The following ADGRB3 variants were observed in gnomAD, a reference collection of about 807,000 sequenced individuals.
ADGRB3 encodes the protein brain-specific angiogenesis inhibitor 3.
In ADGRB3, 37 loss-of-function variants were observed where a neutral mutation model predicts 193.4. The observed-to-expected ratio is 0.19, with a 90% CI of 0.15 to 0.25. The LOEUF is 0.25. ADGRB3 is among the 10% of genes least tolerant of loss of function. The pLI, the probability that ADGRB3 is intolerant of heterozygous loss-of-function variation, is 1.00. For synonymous variants in ADGRB3, 690 were observed against 644.2 expected (o/e 1.07, Z -1.08); for missense variants, 1,637 against 1,852.9 (o/e 0.88, Z 2.14).
intron 3 of ADGRB3, among the ~76,000 whole-genome samples, chr6:68,706,847 C>T (rs1408449987): frequency 2.0e-5 from 3 of 152,114 alleles, no homozygotes; most frequent in Non-Finnish European, 4.4e-5. Flanking sequence ...CGTGGTGGCT[C>T]ACGCCTATAA....
intron 17 of ADGRB3, among the ~76,000 whole-genome samples, chr6:69,187,007 C>T (rs188905902): frequency 2.7e-5 from 4 of 149,790 alleles, no homozygotes; most frequent in Admixed American, 2.0e-4. Context: ...TCAGCTATTA[C>T]ACAACAATAA....
chr6:69,281,833 T>A (rs1767443715), intron 20 of ADGRB3, among the ~76,000 whole-genome samples: 1 of 152,148 alleles, frequency 6.6e-6, no homozygotes, highest in South Asian at 2.1e-4. Context: ...TTAAGTAAAA[T>A]TCATTAAACT....
At chr6:69,248,365 T>C (rs1463478036) in intron 20 of ADGRB3, among the ~76,000 whole-genome samples, 1 of 152,166 alleles carries the variant, frequency 6.6e-6, no homozygotes, top group African/African-American at 2.4e-5. Context: ...TGAAAAGCCC[T>C]TGAGATAAGA....
At chr6:68,772,894 A>AAAAATAT (rs1466813173) in intron 3 of ADGRB3, among the ~76,000 whole-genome samples, 10 of 22,850 alleles carry the variant, frequency 4.4e-4, no homozygotes, top group African/African-American at 7.8e-4. Flanking sequence ...AAAAAAAAAA[A>AAAAATAT]ATATATATAT....
chr6:69,107,476 C>A (rs995865299), intron 17 of ADGRB3, among the ~76,000 whole-genome samples: 2 of 152,080 alleles, frequency 1.3e-5, no homozygotes, highest in Admixed American at 6.5e-5. Flanking sequence ...TTTTTATATT[C>A]CTTCTTTGAT....
At chr6:69,304,344 A>G (rs917885816) in intron 20 of ADGRB3, among the ~76,000 whole-genome samples, 4 of 151,654 alleles carry the variant, frequency 2.6e-5, no homozygotes, top group Non-Finnish European at 5.9e-5. Context: ...AATACATTCA[A>G]TAAGTTCAAG....
intron 3 of ADGRB3, among the ~76,000 whole-genome samples, chr6:68,671,125 C>A (rs551440286): frequency 1.3e-5 from 2 of 151,890 alleles, no homozygotes; most frequent in Admixed American, 6.6e-5. Flanking sequence ...TGCATCTTTA[C>A]TGAATTTTTA....
intron 3 of ADGRB3, among the ~76,000 whole-genome samples, chr6:68,670,464 C>G (rs1768924357): frequency 6.6e-6 from 1 of 151,870 alleles, no homozygotes; most frequent in African/African-American, 2.4e-5. Flanking sequence ...AGACAGGGAT[C>G]TAGTGTTGTT....
At chr6:68,927,665 T>TTTATATA (rs1181534665) in intron 3 of ADGRB3, among the ~76,000 whole-genome samples, 1 of 152,076 alleles carries the variant, frequency 6.6e-6, no homozygotes, top group Non-Finnish European at 1.5e-5. Context: ...TAGGTAATAG[T>TTTATATA]TTATATATTT....
Position 68,975,344 on chromosome 6 carries a change from G to A in ADGRB3, c.1734+4G>A, listed in dbSNP as rs752043120. On this transcript the variant is annotated splice_donor_region_variant and intron_variant, in intron 10 of 31. Coordinates refer to ENST00000370598, the MANE Select transcript of ADGRB3 (RefSeq NM_001704.3). ...GTACAGACACTTGCAGCATTCAGTA[G>A]GTGCAAAGCCAGCTTTAGTACTTGC... 6.2e-7 allele frequency: 1 copy of A among 1,607,932 alleles called. No homozygotes were observed. Among genetic ancestry groups the A allele is most frequent in the Non-Finnish European group, 8.5e-7 (1 of 1,174,794 alleles).
intron 17 of ADGRB3, among the ~76,000 whole-genome samples, chr6:69,188,161 T>A (rs1306297724): frequency 2.0e-5 from 3 of 152,210 alleles, no homozygotes; most frequent in African/African-American, 7.2e-5. Flanking sequence ...ATTCATAAAA[T>A]TAATCATTCC....
At chr6:68,873,798 A>C (rs1245471884) in intron 3 of ADGRB3, among the ~76,000 whole-genome samples, 1 of 152,052 alleles carries the variant, frequency 6.6e-6, no homozygotes, top group Non-Finnish European at 1.5e-5. Flanking sequence ...TGATAACTTC[A>C]TTTTACTAGG....
chr6:68,710,113 T>C (rs1765385230), intron 3 of ADGRB3, among the ~76,000 whole-genome samples: 2 of 152,208 alleles, frequency 1.3e-5, no homozygotes, highest in African/African-American at 4.8e-5. Flanking sequence ...CCAGAGCTCA[T>C]GCTCTTAACT....
In ADGRB3 at chr6:69,176,530, A is replaced by G. The variant is rs547700565; in HGVS notation, c.2481-56760A>G. Among the ~76,000 whole-genome samples, 6 of 152,264 alleles carry G rather than the reference A, an allele frequency of 3.9e-5. No individual in the cohort carries two copies. The East Asian group carries it at 9.7e-4, about 25-fold the overall frequency. On this transcript the variant is annotated intron_variant, in intron 17 of 31. Transcript: ENST00000370598. Reference sequence around the variant, plus strand: ...TAACTTTTTGATGTGCTTCTAATTCAGTTTGCTAGTAATTTGAGAATTTTT... The same window carrying G: ...TAACTTTTTGATGTGCTTCTAATTCGGTTTGCTAGTAATTTGAGAATTTTT...
intron 20 of ADGRB3, among the ~76,000 whole-genome samples, chr6:69,244,290 T>C (rs937886257): frequency 2.0e-5 from 3 of 152,106 alleles, no homozygotes; most frequent in African/African-American, 7.2e-5. Flanking sequence ...GTAGTTTGAA[T>C]AGAGAGAATT....
intron 3 of ADGRB3, among the ~76,000 whole-genome samples, chr6:68,704,909 C>T (rs950453856): frequency 3.9e-5 from 6 of 152,142 alleles, no homozygotes; most frequent in African/African-American, 1.4e-4. Flanking sequence ...TTTAATTACG[C>T]TTTAAACATA....
At chr6:68,637,591 T>G (rs1055790992) in intron 2 of ADGRB3, 29 bp downstream of exon 2, 1 of 152,534 alleles carries the variant, frequency 6.6e-6, no homozygotes, top group African/African-American at 2.4e-5. Flanking sequence ...TACTTTATTA[T>G]CCAAAGCCAG....
chr6:68,911,729 C>T (rs1361330245), intron 3 of ADGRB3, among the ~76,000 whole-genome samples: 1 of 151,876 alleles, frequency 6.6e-6, no homozygotes, highest in Admixed American at 6.6e-5. Flanking sequence ...TTAAGGCTGG[C>T]AATTACTTTT....
rs137894609 is a variant in ADGRB3 at position 68,857,384 on chromosome 6, A to G, written c.758-73175A>G. The stretch of plus-strand genomic sequence containing the variant: ...GAGGGAGGCTATACCCTGCAAAACC[A>G]CAGGAGCAGACTGCCCAAGACTATG... On this transcript the variant is annotated intron_variant, in intron 3 of 31. Coordinates refer to ENST00000370598, the MANE Select transcript of ADGRB3 (RefSeq NM_001704.3). Among the ~76,000 whole-genome samples the G allele has an allele frequency of 2.9e-3, 438 of 152,322 alleles. 3 individuals are homozygous for G. The highest frequency in any genetic ancestry group is 9.0e-3 in the African/African-American group (376 of 41,574).
Sources: allele counts gnomAD v4.1 joint callset (sites outside exome capture counted in the v4.1 genomes callset), GRCh38; gene constraint gnomAD v4.1.1; transcripts MANE v1.5; gene names NCBI Gene and HGNC (gene_info 2026-07-23, HGNC 2026-07-21).